ZNF718: variants seen among roughly 807,000 people sequenced by gnomAD.
The protein encoded by ZNF718 is zinc finger protein 718.
ZNF718 carries 3 observed loss-of-function variants against 2.6 expected under a neutral mutation model. The ratio of observed to expected loss-of-function variants is 1.16; its 90% confidence interval spans 0.53 to 3.01. The LOEUF is 3.01. Among genes scored for constraint, ZNF718 ranks in the 30% most tolerant of loss-of-function variants. ZNF718 has a pLI of 0.03. For missense variants in ZNF718, 468 were observed against 230.0 expected, an observed-to-expected ratio of 2.03 and a Z score of -6.69; for synonymous variants, 135 against 77.9, an observed-to-expected ratio of 1.73 and a Z score of -3.86.
At chr4:159,457 T>C (rs949436050) in intron 3 of ZNF718, among the ~76,000 whole-genome samples, 4 of 152,174 alleles carry the variant, frequency 2.6e-5, no homozygotes, top group Admixed American at 6.5e-5. Flanking sequence ...ACATCACTTT[T>C]ACCTTGTAAC....
chr4:126,790 A>G (rs569938658), intron 1 of ZNF718, among the ~76,000 whole-genome samples: 59 of 150,976 alleles, frequency 3.9e-4, no homozygotes, highest in African/African-American at 1.4e-3. Context: ...CTGTTCTATT[A>G]TGGTGGAAAA....
intron 3 of ZNF718, among the ~76,000 whole-genome samples, chr4:157,975 C>G (rs1716653549): frequency 6.6e-6 from 1 of 152,048 alleles, no homozygotes; most frequent in Non-Finnish European, 1.5e-5. Context: ...CTTGGCTTTA[C>G]TTCTGTCAGT....
intron 3 of ZNF718, among the ~76,000 whole-genome samples, chr4:141,571 G>A (rs186918305): frequency 1.4e-4 from 21 of 152,240 alleles, no homozygotes; most frequent in Middle Eastern, 3.4e-3. Context: ...TCAGAAAGGA[G>A]GTAAACAGGA....
intron 3 of ZNF718, among the ~76,000 whole-genome samples, chr4:148,920 C>T (rs376800521): frequency 4.6e-5 from 7 of 152,106 alleles, no homozygotes; most frequent in African/African-American, 9.7e-5. Flanking sequence ...ATATTTCATT[C>T]GGTAGCTGGG....
At chr4:158,859 A>G (rs1156989005) in intron 3 of ZNF718, among the ~76,000 whole-genome samples, 2 of 144,632 alleles carry the variant, frequency 1.4e-5, no homozygotes, top group African/African-American at 5.1e-5. Flanking sequence ...TTCTTGCATT[A>G]TGTTATTTTC....
intron 3 of ZNF718, among the ~76,000 whole-genome samples, chr4:198,473 T>C (rs1360867316): frequency 1.3e-5 from 2 of 152,132 alleles, no homozygotes; most frequent in Non-Finnish European, 2.9e-5. Context: ...ACCCACCCAC[T>C]CAACTTCATT....
At chr4:152,558 T>C (rs2108796541) in intron 3 of ZNF718, among the ~76,000 whole-genome samples, 1 of 151,452 alleles carries the variant, frequency 6.6e-6, no homozygotes, top group South Asian at 2.1e-4. Flanking sequence ...AGCACATGTT[T>C]CAGAGAGCAC....
At chr4:134,083 C>T (rs1581423528) in intron 3 of ZNF718, among the ~76,000 whole-genome samples, 2 of 152,278 alleles carry the variant, frequency 1.3e-5, no homozygotes, top group East Asian at 3.9e-4. Flanking sequence ...AACAACATTT[C>T]CGTATTTTCC....
intron 3 of ZNF718, among the ~76,000 whole-genome samples, chr4:151,111 A>C (rs1406261917): frequency 2.0e-5 from 3 of 151,744 alleles, no homozygotes; most frequent in Non-Finnish European, 4.4e-5. Context: ...TAATTAATTT[A>C]TTTATTTTTG....
At chr4:164,355 ATTCTT>A (rs1456688878), downstream of ZNF718, among the ~76,000 whole-genome samples, 5 of 152,060 alleles carry the variant, frequency 3.3e-5, no homozygotes, top group Non-Finnish European at 7.4e-5. Context: ...GACAAAAAAT[ATTCTT>A]TTAATAATAT....
rs1297843619 is a variant in ZNF718 at position 163,639 on chromosome 4, T to C, written c.*1517T>C. ...CTTGAATTTTAGTAATAAATTGCTT[T>C]TACCAGTTGCACATTTATGTAATAA... On this transcript the variant is annotated 3_prime_UTR_variant, in exon 4 of 4. Transcript: ENST00000510175. The C allele has an allele frequency of 3.3e-5, 5 of 152,162 alleles. No homozygotes were observed. Among genetic ancestry groups the C allele is most frequent in the Admixed American group, 3.3e-4 (5 of 15,270 alleles). The allele number at this position is 152,162 out of a possible 1,614,324, so 9.4% of individuals were successfully genotyped here.
In ZNF718 at chr4:128,177, A is replaced by G. The variant is rs1479335369; in HGVS notation, c.4-2611A>G. 9.6e-5 allele frequency among the ~76,000 whole-genome samples: 10 copies of G among 104,102 alleles called. 2 individuals carry two copies. The highest frequency in any genetic ancestry group is 8.6e-5 in the Non-Finnish European group (4 of 46,734). 68.3% of individuals were successfully genotyped at this position (104,102 alleles called of 152,430 possible). On this transcript the variant is annotated intron_variant, in intron 1 of 3. Transcript: ENST00000510175. ...TTGGCCTCTGCCTGGGATTCCCAAC[A>G]CTGGACCAGACTTTGGGTTGAAGAC...
chr4:157,119 T>C (rs1386435997), intron 3 of ZNF718, among the ~76,000 whole-genome samples: 12 of 144,438 alleles, frequency 8.3e-5, no homozygotes, highest in African/African-American at 1.8e-4. Context: ...TTTTTTTTTT[T>C]TTTTTTTTTT....
chr4:145,968 T>G (rs1716036608), intron 3 of ZNF718, among the ~76,000 whole-genome samples: 1 of 151,992 alleles, frequency 6.6e-6, no homozygotes, highest in South Asian at 2.1e-4. Context: ...TTTTTAATAT[T>G]GTGTACCTGT....
rs1173000403 is a variant in ZNF718, at chr4:162,403, C to G, written c.*281C>G. On this transcript the variant is annotated 3_prime_UTR_variant, in exon 4 of 4. Coordinates refer to ENST00000510175, the MANE Select transcript of ZNF718 (RefSeq NM_001039127.6). ...CAAAACCTTTAACCAATGCTCATAT[C>G]TCTTTGCACATGATAGCATTTATAC... is the stretch of plus-strand genomic sequence containing the variant. 3 of 291,190 alleles carry G rather than the reference C, an allele frequency of 1.0e-5. No homozygotes were observed. Among genetic ancestry groups the G allele is most frequent in the Non-Finnish European group, 1.9e-5 (3 of 157,056 alleles). The allele number at this position is 291,190 out of a possible 1,614,324, so 18.0% of individuals were successfully genotyped here. A position where few individuals can be genotyped will look rare whatever the true frequency, so the allele number is the denominator to read the frequency against.
At chr4:197,388 A>G (rs1474501255) in intron 3 of ZNF718, among the ~76,000 whole-genome samples, 1 of 152,162 alleles carries the variant, frequency 6.6e-6, no homozygotes, top group Non-Finnish European at 1.5e-5. Flanking sequence ...TCAGAACTGG[A>G]ACTGGAACAC....
intron 3 of ZNF718, among the ~76,000 whole-genome samples, chr4:156,377 CTATT>C (rs1350889674): frequency 6.6e-6 from 1 of 152,106 alleles, no homozygotes; most frequent in African/African-American, 2.4e-5. Context: ...ATTTTACCCT[CTATT>C]TATTTGTGAA....
chr4:161,152 C>T lies in ZNF718; in HGVS notation c.467C>T (p.Ser156Leu), dbSNP rs1716816306. 4.0e-6 allele frequency: 3 copies of T among 757,028 alleles called. No homozygotes were observed. The highest frequency in any genetic ancestry group is 2.5e-5 in the East Asian group (1 of 40,510). The allele number at this position is 757,028 out of a possible 1,614,324, so 46.9% of individuals were successfully genotyped here. Residue 156 changes from serine to leucine, a missense_variant, in exon 4 of 4, where the codon TCA (serine) becomes TTA (leucine). Physicochemically the swap from Ser to Leu is moderately radical, Grantham distance 145 (BLOSUM62 -2). Coordinates refer to ENST00000510175, the MANE Select transcript of ZNF718 (RefSeq NM_001039127.6). ...TGTGTCAAAGTTTTTCATAAATTTT[C>T]AAATTCAAACAAAGATAAGATAAGA... is the stretch of plus-strand genomic sequence containing the variant. ...NICVKVFHKFSNSNKDKIRYT... is the reference protein window; with the variant it reads ...NICVKVFHKFLNSNKDKIRYT...
At chr4:199,237 T>C (rs1717851697) in intron 3 of ZNF718, among the ~76,000 whole-genome samples, 1 of 152,240 alleles carries the variant, frequency 6.6e-6, no homozygotes, top group Non-Finnish European at 1.5e-5. Flanking sequence ...TCTTTGAGCC[T>C]AGCCTTTCTT....
Sources: gnomAD v4.1 joint callset for allele counts (sites outside exome capture counted in the v4.1 genomes callset) on GRCh38, gnomAD v4.1.1 for gene constraint, MANE v1.5 for transcripts, NCBI Gene and HGNC (gene_info 2026-07-23, HGNC 2026-07-21) for gene names.